The following MED13L variants were observed in gnomAD, a reference collection of about 807,000 sequenced individuals.
MED13L encodes mediator complex subunit 13L.
Under a neutral mutation model 220.9 loss-of-function variants are expected in MED13L, and 7 were observed. The ratio of observed to expected loss-of-function variants is 0.03; its 90% CI spans 0.02 to 0.06. MED13L has a LOEUF of 0.06. Ranked by LOEUF, MED13L falls within the 10% of genes least tolerant of loss-of-function variation. The pLI, the probability that MED13L is intolerant of heterozygous loss-of-function variation, is 1.00. For missense variants in MED13L, 1,965 were observed against 2,760.5 expected, an observed-to-expected ratio of 0.71 and a Z score of 6.46; for synonymous variants, 1,011 against 1,015.2, an observed-to-expected ratio of 1.00 and a Z score of 0.08.
At chr12:116,134,721 C>T (rs1434093015) in intron 2 of MED13L, among the ~76,000 whole-genome samples, 2 of 152,084 alleles carry the variant, frequency 1.3e-5, no homozygotes, top group Non-Finnish European at 2.9e-5. Flanking sequence ...TGTCTTTTAA[C>T]CCATGTTAAC....
chr12:116,211,234 G>A (rs1882684317), intron 2 of MED13L, among the ~76,000 whole-genome samples: 1 of 152,218 alleles, frequency 6.6e-6, no homozygotes, highest in Non-Finnish European at 1.5e-5. Flanking sequence ...GTCCAACAAG[G>A]CAGCCTCTAG....
At chr12:116,167,559 T>C (rs1879371817) in intron 2 of MED13L, among the ~76,000 whole-genome samples, 1 of 152,200 alleles carries the variant, frequency 6.6e-6, no homozygotes, top group Non-Finnish European at 1.5e-5. Flanking sequence ...ATTTATTTTA[T>C]GTGGAGATCA....
At chr12:116,109,172 G>C (rs1262957026) in intron 3 of MED13L, among the ~76,000 whole-genome samples, 6 of 137,548 alleles carry the variant, frequency 4.4e-5, no homozygotes, top group African/African-American at 1.7e-4. Context: ...CTGGGCTCAA[G>C]CAATCTTCCC....
chr12:115,984,203 G>A lies in MED13L; in HGVS notation c.4508C>T (p.Ala1503Val), dbSNP rs775785751. The A allele has an allele frequency of 7.4e-6, 12 of 1,613,744 alleles. No homozygotes were observed. The highest frequency in any genetic ancestry group is 1.1e-5 in the South Asian group (1 of 91,022). ...NDNHSRLKLY[A>V]QVCRHHLAPY... ...ACCTAGGTGATGGCGGCAAACTTGC[G>A]CATAAAGTTTGAGTCTGGAATGATT... Residue 1503 changes from alanine (A) to valine (V), a missense_variant, in exon 20 of 31, where the codon GCG becomes GTG. Physicochemically the swap from Ala to Val is moderately conservative, Grantham distance 64. Coordinates refer to ENST00000281928, the MANE Select transcript of MED13L (RefSeq NM_015335.5).
intron 1 of MED13L, among the ~76,000 whole-genome samples, chr12:116,250,769 T>G (rs1449708377): frequency 9.7e-6 from 1 of 103,446 alleles, no homozygotes; most frequent in African/African-American, 4.0e-5. Flanking sequence ...AGAGCGAGAC[T>G]CCTCCTCAAA....
intron 17 of MED13L, 39 bp downstream of exon 17, chr12:115,990,981 G>A: frequency 1.3e-6 from 2 of 1,593,756 alleles, no homozygotes; most frequent in Non-Finnish European, 1.7e-6. Context: ...ATCATACCAA[G>A]ATACTCCTCA....
At chr12:116,018,908 A>AC (rs1258274422) in intron 7 of MED13L, among the ~76,000 whole-genome samples, 3 of 138,536 alleles carry the variant, frequency 2.2e-5, no homozygotes, top group African/African-American at 7.9e-5. Flanking sequence ...AAAAAAAAAA[A>AC]AAACAAAAAA....
chr12:115,989,269 C>T (rs189759749), intron 17 of MED13L, among the ~76,000 whole-genome samples: 6 of 152,316 alleles, frequency 3.9e-5, no homozygotes, highest in Admixed American at 1.3e-4. Flanking sequence ...GCTCTCACCA[C>T]GGTCAGAAGA....
At chr12:116,235,933 ACAGT>A (rs931693705) in intron 2 of MED13L, among the ~76,000 whole-genome samples, 28 of 152,220 alleles carry the variant, frequency 1.8e-4, no homozygotes, top group Admixed American at 4.6e-4. Flanking sequence ...ACAGAAGATG[ACAGT>A]CAGAAACAAT....
chr12:116,010,305 C>A (rs1008163610), intron 9 of MED13L, among the ~76,000 whole-genome samples: 1 of 152,180 alleles, frequency 6.6e-6, no homozygotes, highest in Non-Finnish European at 1.5e-5. Flanking sequence ...AACATGTGAA[C>A]GTCTCATCAG....
chr12:116,036,638 T>C (rs916104635), intron 4 of MED13L, among the ~76,000 whole-genome samples: 2 of 152,236 alleles, frequency 1.3e-5, no homozygotes, highest in African/African-American at 4.8e-5. Flanking sequence ...TTCTGTGGTA[T>C]GAACTTATCT....
At chr12:116,004,968 G>A (rs1878961754) in intron 13 of MED13L, among the ~76,000 whole-genome samples, 1 of 152,184 alleles carries the variant, frequency 6.6e-6, no homozygotes, top group Admixed American at 6.5e-5. Context: ...ACAGCAATAA[G>A]TACATTATAA....
At chr12:116,074,144 C>T (rs1870597810) in intron 4 of MED13L, among the ~76,000 whole-genome samples, 1 of 152,190 alleles carries the variant, frequency 6.6e-6, no homozygotes, top group Admixed American at 6.5e-5. Context: ...CCTGTAATCC[C>T]AGCACTTTGG....
At chr12:116,009,577 T>C (rs893754240) in intron 9 of MED13L, among the ~76,000 whole-genome samples, 4 of 152,252 alleles carry the variant, frequency 2.6e-5, no homozygotes, top group South Asian at 4.1e-4. Context: ...GTGCTGTAAA[T>C]TGGGAATAAA....
intron 1 of MED13L, among the ~76,000 whole-genome samples, chr12:116,275,933 T>TA (rs1873778840): frequency 6.6e-6 from 1 of 152,246 alleles, no homozygotes; most frequent in African/African-American, 2.4e-5. Flanking sequence ...ATACATACAG[T>TA]AACTCATGCA....
At chr12:116,250,485 C>T (rs1239454022) in intron 1 of MED13L, among the ~76,000 whole-genome samples, 11 of 151,082 alleles carry the variant, frequency 7.3e-5, no homozygotes, top group African/African-American at 2.4e-4. Flanking sequence ...TTTTCTCGGC[C>T]GGGCATGGTG....
chr12:116,069,903 C>T (rs1409097861), intron 4 of MED13L, among the ~76,000 whole-genome samples: 1 of 152,154 alleles, frequency 6.6e-6, no homozygotes, highest in Non-Finnish European at 1.5e-5. Flanking sequence ...CAAGATACCT[C>T]ATTATATATT....
intron 2 of MED13L, among the ~76,000 whole-genome samples, chr12:116,144,305 C>A (rs769861929): frequency 2.6e-5 from 4 of 152,182 alleles, no homozygotes; most frequent in Non-Finnish European, 5.9e-5. Context: ...CCCAACTACT[C>A]CTCAAATTTC....
At position 116,120,477 on chromosome 12, in the gene MED13L, TCACACACACACACACA is replaced by T. The variant is rs1158069310; in HGVS notation, c.311-8981_311-8966del. On this transcript the variant is annotated intron_variant, in intron 2 of 30. Transcript: ENST00000281928. ...CTCTCTCTCTCTCTCTCTCTCTCTCTCACACACACACACACACACACACACACACACACACACACAC... is the reference window on the plus strand; with the variant it reads ...CTCTCTCTCTCTCTCTCTCTCTCTCTCACACACACACACACACACACACAC... Among the ~76,000 whole-genome samples the T allele has an allele frequency of 1.3e-3, 100 of 79,472 alleles. 3 individuals are homozygous for T. Among genetic ancestry groups the T allele is most frequent in the Non-Finnish European group, 1.1e-3 (48 of 42,366 alleles). 52.1% of individuals were successfully genotyped at this position (79,472 alleles called of 152,430 possible).
Sources: allele counts gnomAD v4.1 joint callset (sites outside exome capture counted in the v4.1 genomes callset), GRCh38; gene constraint gnomAD v4.1.1; transcripts MANE v1.5; gene names NCBI Gene and HGNC (gene_info 2026-07-23, HGNC 2026-07-21).